UNC5D: variants seen among roughly 807,000 people sequenced by gnomAD.
UNC5D encodes the protein unc-5 netrin receptor D, also known as netrin receptor UNC5D.
In UNC5D, 39 loss-of-function variants were observed where a neutral mutation model predicts 105.4. The ratio of observed to expected loss-of-function variants is 0.37; its 90% CI spans 0.29 to 0.48. The LOEUF is 0.48. Among genes scored for constraint, UNC5D ranks in the 20% least tolerant of loss-of-function variants. UNC5D has a pLI of 0.98. For synonymous variants in UNC5D, 452 were observed against 450.4 expected (o/e 1.00, Z -0.04); for missense variants, 991 against 1,202.4 (o/e 0.82, Z 2.60).
At chr8:35,693,196 A>T (rs1826525242) in intron 7 of UNC5D, among the ~76,000 whole-genome samples, 1 of 152,042 alleles carries the variant, frequency 6.6e-6, no homozygotes, top group Non-Finnish European at 1.5e-5. Context: ...GGCTTTAAAA[A>T]CTATTTTTTT....
chr8:35,389,673 A>C (rs1174661642), intron 1 of UNC5D, among the ~76,000 whole-genome samples: 1 of 151,806 alleles, frequency 6.6e-6, no homozygotes, highest in African/African-American at 2.4e-5. Flanking sequence ...TGCGGTATAG[A>C]AAGGATTTTG....
intron 1 of UNC5D, among the ~76,000 whole-genome samples, chr8:35,310,374 A>G (rs1808778858): frequency 6.6e-6 from 1 of 152,166 alleles, no homozygotes; most frequent in African/African-American, 2.4e-5. Context: ...TAATCCCAGC[A>G]CTTCGGAGGC....
At chr8:35,636,341 A>G (rs1822369626) in intron 4 of UNC5D, among the ~76,000 whole-genome samples, 1 of 152,190 alleles carries the variant, frequency 6.6e-6, no homozygotes, top group African/African-American at 2.4e-5. Context: ...AACTTAGGTC[A>G]GGTTTTCTCA....
chr8:35,632,297 G>A (rs1822089196), intron 4 of UNC5D, among the ~76,000 whole-genome samples: 1 of 152,226 alleles, frequency 6.6e-6, no homozygotes, highest in Admixed American at 6.5e-5. Flanking sequence ...TTTAGAAAAT[G>A]CATCCTTTAA....
At chr8:35,466,714 T>C (rs1809331637) in intron 1 of UNC5D, among the ~76,000 whole-genome samples, 1 of 152,178 alleles carries the variant, frequency 6.6e-6, no homozygotes, top group Non-Finnish European at 1.5e-5. Flanking sequence ...AATTTACAGA[T>C]TTTTTCATAT....
intron 1 of UNC5D, among the ~76,000 whole-genome samples, chr8:35,381,842 C>T (rs994515024): frequency 2.6e-5 from 4 of 152,136 alleles, no homozygotes; most frequent in African/African-American, 4.8e-5. Flanking sequence ...TTAGCAGAGC[C>T]GGTGCCTCCT....
chr8:35,716,145 G>A (rs955161740), intron 8 of UNC5D, among the ~76,000 whole-genome samples: 4 of 152,158 alleles, frequency 2.6e-5, no homozygotes, highest in Admixed American at 6.5e-5. Flanking sequence ...AAGAGACACC[G>A]TGTCATAAGC....
rs1054675281 is a variant in UNC5D at position 35,792,120 on chromosome 8, T to G, written c.*1557T>G. On this transcript the variant is annotated 3_prime_UTR_variant, in exon 17 of 17. Coordinates refer to ENST00000404895, the MANE Select transcript of UNC5D (RefSeq NM_080872.4). ...ATTCGAATAAAAAGTAGTCAGGGAA[T>G]GGGGGAGGTGGGGAGTTGGGGAGTA... The G allele has an allele frequency of 6.6e-5, 10 of 152,042 alleles. No individual in the cohort carries two copies. The highest frequency in any genetic ancestry group is 2.4e-4 in the African/African-American group (10 of 41,400). The allele number at this position is 152,042 out of a possible 1,614,324, so 9.4% of individuals were successfully genotyped here. A position where few individuals can be genotyped will look rare whatever the true frequency, so the allele number is the denominator to read the frequency against.
intron 1 of UNC5D, among the ~76,000 whole-genome samples, chr8:35,354,534 T>C (rs1801443039): frequency 6.6e-6 from 1 of 152,162 alleles, no homozygotes; most frequent in Non-Finnish European, 1.5e-5. Context: ...TTAGTTTATA[T>C]AGTACCCACC....
intron 1 of UNC5D, among the ~76,000 whole-genome samples, chr8:35,403,402 G>A (rs1447593396): frequency 6.6e-6 from 1 of 152,190 alleles, no homozygotes; most frequent in East Asian, 1.9e-4. Flanking sequence ...CAAATCCATT[G>A]TGATGCATAG....
At chr8:35,538,819 CA>C (rs1302392589) in intron 1 of UNC5D, among the ~76,000 whole-genome samples, 2 of 151,648 alleles carry the variant, frequency 1.3e-5, no homozygotes, top group South Asian at 2.1e-4. Context: ...GGATGTAGGC[CA>C]AAAAACAGTC....
chr8:35,649,689 G>T (rs770520985), intron 4 of UNC5D, among the ~76,000 whole-genome samples: 5 of 152,224 alleles, frequency 3.3e-5, no homozygotes, highest in Admixed American at 2.0e-4. Context: ...GATACAATAG[G>T]ACATGATGAT....
chr8:35,324,107 A>C (rs147622422), intron 1 of UNC5D, among the ~76,000 whole-genome samples: 1 of 151,848 alleles, frequency 6.6e-6, no homozygotes, highest in African/African-American at 2.4e-5. Context: ...GCATCCACCT[A>C]TAAGTCCCAG....
At chr8:35,415,372 T>G (rs1805462574) in intron 1 of UNC5D, among the ~76,000 whole-genome samples, 1 of 152,170 alleles carries the variant, frequency 6.6e-6, no homozygotes, top group South Asian at 2.1e-4. Context: ...CCACCTGTTG[T>G]TTATTTTCAC....
intron 1 of UNC5D, among the ~76,000 whole-genome samples, chr8:35,362,320 C>T (rs1046464467): frequency 1.3e-5 from 2 of 152,218 alleles, no homozygotes; most frequent in South Asian, 4.2e-4. Flanking sequence ...TTCCTTTTTG[C>T]AAATGCACTT....
chr8:35,432,154 T>G (rs571735821), intron 1 of UNC5D, among the ~76,000 whole-genome samples: 2 of 152,246 alleles, frequency 1.3e-5, no homozygotes, highest in African/African-American at 4.8e-5. Flanking sequence ...CTCAGTTTAT[T>G]TATCTATACA....
chr8:35,460,014 TAGTG>T (rs1808779763), intron 1 of UNC5D, among the ~76,000 whole-genome samples: 1 of 152,150 alleles, frequency 6.6e-6, no homozygotes, highest in Non-Finnish European at 1.5e-5. Flanking sequence ...CTAGAGCAAT[TAGTG>T]AGTGTCAGCC....
At chr8:35,298,698 A>G (rs1257233372) in intron 1 of UNC5D, among the ~76,000 whole-genome samples, 2 of 151,500 alleles carry the variant, frequency 1.3e-5, no homozygotes, top group Non-Finnish European at 2.9e-5. Context: ...AGAGTTGCAC[A>G]ATATCCTAAG....
At chr8:35,463,654 C>T (rs1462261455) in intron 1 of UNC5D, among the ~76,000 whole-genome samples, 2 of 150,908 alleles carry the variant, frequency 1.3e-5, no homozygotes, top group Non-Finnish European at 2.9e-5. Flanking sequence ...GGTGTGGTGG[C>T]ACACACCTGC....
Sources: allele counts gnomAD v4.1 joint callset (sites outside exome capture counted in the v4.1 genomes callset), GRCh38; gene constraint gnomAD v4.1.1; transcripts MANE v1.5; gene names NCBI Gene and HGNC (gene_info 2026-07-23, HGNC 2026-07-21).